NEB: variants seen among roughly 807,000 people sequenced by gnomAD.
NEB encodes nebulin, also known as nemaline myopathy type 2.
In NEB, 512 loss-of-function variants were observed where a neutral mutation model predicts 952.2. The ratio of observed to expected loss-of-function variants is 0.54; its 90% confidence interval spans 0.50 to 0.58. The LOEUF (loss-of-function observed/expected upper bound fraction) is 0.58, where lower values mean the gene tolerates loss of function less well. NEB is among the 20% of genes least tolerant of loss of function. The pLI, the probability that NEB is intolerant of heterozygous loss-of-function variation, is 0.00. For synonymous variants in NEB, 2,900 were observed against 3,149.8 expected (o/e 0.92, Z 2.66); for missense variants, 8,428 against 9,231.1 (o/e 0.91, Z 3.56).
At chr2:151,628,154 C>T (rs941699023) in intron 68 of NEB, among the ~76,000 whole-genome samples, 12 of 152,290 alleles carry the variant, frequency 7.9e-5, no homozygotes, top group South Asian at 2.1e-4. Context: ...CAACACTTTC[C>T]GGAAGATCTT....
At chr2:151,692,447 T>A in intron 20 of NEB, 85 bp from the exon 21 acceptor site, 4 of 1,095,656 alleles carry the variant, frequency 3.7e-6, no homozygotes, top group Non-Finnish European at 4.0e-6. Flanking sequence ...TGCTGCACTT[T>A]AACTGAAGGG....
chr2:151,641,930 G>A (rs548502763), intron 60 of NEB, among the ~76,000 whole-genome samples: 4 of 152,036 alleles, frequency 2.6e-5, no homozygotes, highest in African/African-American at 4.8e-5. Flanking sequence ...GATCATTTAC[G>A]TTAGGTATAT....
chr2:151,583,158 TATGAA>T (rs2097142051), intron 101 of NEB, among the ~76,000 whole-genome samples: 1 of 121,330 alleles, frequency 8.2e-6, no homozygotes, highest in African/African-American at 2.6e-5. Flanking sequence ...TACATCTACT[TATGAA>T]ATATGTATAT....
At chr2:151,609,135 G>T (rs1336147900) in intron 81 of NEB, among the ~76,000 whole-genome samples, 1 of 151,416 alleles carries the variant, frequency 6.6e-6, no homozygotes, top group Non-Finnish European at 1.5e-5. Context: ...TTTTTTAAGG[G>T]ATGGAGTGCA....
chr2:151,561,315 G>A lies in NEB; in HGVS notation c.18997-3C>T, dbSNP rs1346921305. ...TTACCTGCTGCTGTATATTGTAGCT[G>A]TGAAGAAAAACAAAAGTCATCAAAA... On this transcript the variant is annotated splice_region_variant and splice_polypyrimidine_tract_variant and intron_variant, in intron 121 of 181. Coordinates refer to ENST00000397345, the MANE Select transcript of NEB (RefSeq NM_001164508.2). 1.9e-6 allele frequency: 3 copies of A among 1,579,416 alleles called. No individual in the cohort carries two copies. The highest frequency in any genetic ancestry group is 4.6e-5 in the East Asian group (2 of 43,882).
intron 36 of NEB, 64 bp from the exon 37 acceptor site, chr2:151,672,744 T>G: frequency 1.4e-6 from 2 of 1,386,430 alleles, no homozygotes; most frequent in Non-Finnish European, 2.0e-6. Flanking sequence ...TGCAATTACA[T>G]TCACATATAA....
At chr2:151,699,707 GTTGT>G (rs1459527925) in intron 13 of NEB, among the ~76,000 whole-genome samples, 5 of 88,820 alleles carry the variant, frequency 5.6e-5, no homozygotes, top group Admixed American at 1.3e-4. Context: ...TTTTGATGGG[GTTGT>G]TTGTTTTTTT....
At chr2:151,527,251 TCA>T (rs915585319) in intron 147 of NEB, among the ~76,000 whole-genome samples, 20 of 152,032 alleles carry the variant, frequency 1.3e-4, no homozygotes, top group Admixed American at 9.2e-4. Context: ...CTCCCCAGCC[TCA>T]GTCAGAACTC....
intron 42 of NEB, among the ~76,000 whole-genome samples, chr2:151,665,092 G>A (rs911882720): frequency 2.6e-5 from 4 of 152,084 alleles, no homozygotes; most frequent in Admixed American, 6.6e-5. Context: ...TGCCCCCACC[G>A]CACAACCATG....
chr2:151,575,580 T>C, intron 107 of NEB, 115 bp downstream of exon 107: 2 of 749,768 alleles, frequency 2.7e-6, no homozygotes, highest in South Asian at 1.7e-5. Context: ...ACAAGGAGTC[T>C]TCCCCTGTTG....
At chr2:151,493,100 T>G in intron 176 of NEB, 1 of 407,886 alleles carries the variant, frequency 2.5e-6, no homozygotes. Flanking sequence ...AGGAAAACAT[T>G]GGCAATTAAC....
chr2:151,719,020 A>G (rs1418476165), intron 9 of NEB, among the ~76,000 whole-genome samples: 1 of 152,020 alleles, frequency 6.6e-6, no homozygotes, highest in Non-Finnish European at 1.5e-5. Context: ...TCAGGACACC[A>G]TGACTCCCCT....
intron 16 of NEB, 123 bp downstream of exon 16, chr2:151,697,025 G>T (rs2099601650): frequency 2.8e-6 from 2 of 712,516 alleles, no homozygotes; most frequent in African/African-American, 3.6e-5. Flanking sequence ...CTACAAAATA[G>T]ACTTCATTTC....
intron 12 of NEB, among the ~76,000 whole-genome samples, chr2:151,707,505 A>G (rs1038014343): frequency 1.1e-5 from 1 of 91,022 alleles, no homozygotes; most frequent in African/African-American, 2.7e-5. Flanking sequence ...CATGTATTCA[A>G]TTTACAAGTA....
Position 151,576,363 on chromosome 2 carries a change from G to C in NEB, c.16705-9C>G, listed in dbSNP as rs1188933090. The C allele has an allele frequency of 6.3e-7, 1 of 1,579,358 alleles. No individual in the cohort carries two copies. The highest frequency in any genetic ancestry group is 8.6e-7 in the Non-Finnish European group (1 of 1,158,676). ...TCAGCCTTGTAGAGGGCCTGAAAAA[G>C]AAAACACAGGTAGAAGCAGGGTTTG... is the stretch of plus-strand genomic sequence containing the variant. On this transcript the variant is annotated splice_polypyrimidine_tract_variant and intron_variant, in intron 105 of 181. Transcript: ENST00000397345.
At position 151,629,445 on chromosome 2, in the gene NEB, A is replaced by G. The variant is rs189458281; in HGVS notation, c.9831+94T>C. The G allele has an allele frequency of 3.2e-4, 330 of 1,023,624 alleles. No individual in the cohort carries two copies. The African/African-American group carries it at 4.6e-3, about 14-fold the overall frequency. The allele number at this position is 1,023,624 out of a possible 1,614,324, so 63.4% of individuals were successfully genotyped here. On this transcript the variant is annotated intron_variant, in intron 68 of 181. Coordinates refer to ENST00000397345, the MANE Select transcript of NEB (RefSeq NM_001164508.2). ...TTGATTTAGAAAAACAAGCCAATAAATGTGCTTAAACTGGCCCCCAAATGT... is the reference window on the plus strand; with the variant it reads ...TTGATTTAGAAAAACAAGCCAATAAGTGTGCTTAAACTGGCCCCCAAATGT...
intron 127 of NEB, 42 bp from the exon 128 acceptor site, chr2:151,552,818 T>C: frequency 6.8e-7 from 1 of 1,460,720 alleles, no homozygotes; most frequent in Non-Finnish European, 9.5e-7. Context: ...GACCATTCCT[T>C]ATGCTTGAAA....
chr2:151,712,564 G>A (rs1213507120), intron 10 of NEB, among the ~76,000 whole-genome samples: 1 of 152,098 alleles, frequency 6.6e-6, no homozygotes, highest in Non-Finnish European at 1.5e-5. Context: ...TGGAGATCGA[G>A]CTCTCACAAT....
chr2:151,702,537 A>G (rs1271369816), intron 13 of NEB, among the ~76,000 whole-genome samples: 5 of 151,792 alleles, frequency 3.3e-5, no homozygotes, highest in African/African-American at 1.2e-4. Flanking sequence ...TTGCTTTATG[A>G]ATCTGGGTGT....
Sources: gnomAD v4.1 joint callset for allele counts (sites outside exome capture counted in the v4.1 genomes callset) on GRCh38, gnomAD v4.1.1 for gene constraint, MANE v1.5 for transcripts, NCBI Gene and HGNC (gene_info 2026-07-23, HGNC 2026-07-21) for gene names.